The following PDE10A variants were observed in gnomAD, a reference collection of about 807,000 sequenced individuals.
PDE10A encodes the protein cAMP and cAMP-inhibited cGMP 3',5'-cyclic phosphodiesterase 10A.
In PDE10A, 39 loss-of-function variants were observed where a neutral mutation model predicts 97.7. The observed-to-expected ratio is 0.40, with a 90% CI of 0.31 to 0.52. The LOEUF is 0.52. Ranked by LOEUF, PDE10A falls within the 20% of genes least tolerant of loss-of-function variation. PDE10A has a pLI of 0.56. For missense variants in PDE10A, 731 were observed against 1,047.8 expected, an observed-to-expected ratio of 0.70 and a Z score of 4.17; for synonymous variants, 371 against 376.8, an observed-to-expected ratio of 0.98 and a Z score of 0.18.
chr6:165,702,993 T>C (rs1363381977), intron 1 of PDE10A, among the ~76,000 whole-genome samples: 1 of 152,188 alleles, frequency 6.6e-6, no homozygotes, highest in Admixed American at 6.5e-5. Flanking sequence ...CCCCTGTTCT[T>C]CCACTTGCCC....
chr6:165,668,169 A>G (rs1283739793), upstream of PDE10A, among the ~76,000 whole-genome samples: 5 of 152,238 alleles, frequency 3.3e-5, no homozygotes, highest in African/African-American at 1.2e-4. Flanking sequence ...AAAGACAGAA[A>G]ATACTTCTTT....
At chr6:165,961,020 G>C (rs538213454) in intron 1 of PDE10A, among the ~76,000 whole-genome samples, 3 of 152,106 alleles carry the variant, frequency 2.0e-5, no homozygotes. Context: ...ACCTGGGCTG[G>C]GTCAGGCCAT....
At position 165,542,612 on chromosome 6, in the gene PDE10A, C is replaced by CTTTTTTTTTTTTT. The variant is rs545149187; in HGVS notation, c.994+815_994+827dup. ...TTTAGGTCAAAAAGATGTCCTTGTT[C>CTTTTTTTTTTTTT]TTTTTTTTTTTTTTTTTTTTTTTTT... On this transcript the variant is annotated intron_variant, in intron 2 of 21. Transcript: ENST00000539869. Among the ~76,000 whole-genome samples, 97 of 76,454 alleles carry CTTTTTTTTTTTTT rather than the reference C, an allele frequency of 1.3e-3. 5 individuals are homozygous for CTTTTTTTTTTTTT. The highest frequency in any genetic ancestry group is 4.1e-3 in the African/African-American group (90 of 21,802). The allele number at this position is 76,454 out of a possible 152,430, so 50.2% of individuals were successfully genotyped here. A position where few individuals can be genotyped will look rare whatever the true frequency, so the allele number is the denominator to read the frequency against.
chr6:165,791,933 G>C (rs1221799597), intron 1 of PDE10A, among the ~76,000 whole-genome samples: 1 of 152,180 alleles, frequency 6.6e-6, no homozygotes, highest in Non-Finnish European at 1.5e-5. Context: ...AGTCAGCTCT[G>C]TGCAACACAC....
At chr6:165,417,171 G>A (rs1392986184) in intron 11 of PDE10A, among the ~76,000 whole-genome samples, 2 of 152,156 alleles carry the variant, frequency 1.3e-5, no homozygotes, top group Non-Finnish European at 2.9e-5. Flanking sequence ...ACACAAAAGA[G>A]AATCTACTTA....
intron 1 of PDE10A, among the ~76,000 whole-genome samples, chr6:165,681,044 T>C (rs1790961568): frequency 6.6e-6 from 1 of 152,342 alleles, no homozygotes; most frequent in African/African-American, 2.4e-5. Context: ...ACTTTGTAAA[T>C]TGCATATGAA....
chr6:165,443,111 C>CAAA (rs149435215), intron 5 of PDE10A, among the ~76,000 whole-genome samples: 69 of 60,172 alleles, frequency 1.1e-3, no homozygotes, highest in South Asian at 1.6e-3. Context: ...GGCTCTGTCT[C>CAAA]AAAAAAAAAA....
chr6:165,473,600 A>C (rs1170657943), intron 3 of PDE10A, among the ~76,000 whole-genome samples: 1 of 146,528 alleles, frequency 6.8e-6, no homozygotes, highest in African/African-American at 2.6e-5. Context: ...GATGGAGGCA[A>C]GGTTACAGCT....
intron 1 of PDE10A, among the ~76,000 whole-genome samples, chr6:165,779,923 TCC>T (rs1562733162): frequency 5.9e-5 from 9 of 152,140 alleles, no homozygotes; most frequent in African/African-American, 2.2e-4. Context: ...TTCAATTCAC[TCC>T]GCTGGGCCAC....
At chr6:165,649,624 G>A (rs1379732340) in intron 1 of PDE10A, among the ~76,000 whole-genome samples, 1 of 152,160 alleles carries the variant, frequency 6.6e-6, no homozygotes, top group Non-Finnish European at 1.5e-5. Flanking sequence ...TGCTGAGGAA[G>A]AGGTGCAGGG....
chr6:165,972,936 T>A (rs1270643454), intron 1 of PDE10A, among the ~76,000 whole-genome samples: 1 of 152,040 alleles, frequency 6.6e-6, no homozygotes, highest in Non-Finnish European at 1.5e-5. Context: ...CTCATTCTCC[T>A]CTCCCCTCCA....
chr6:165,804,712 C>T lies in PDE10A; in HGVS notation c.-615+182817G>A, dbSNP rs565689100. On this transcript the variant is annotated intron_variant, in intron 1 of 19. Coordinates refer to the PDE10A transcript ENST00000366882. ...AAGGGGAAGAGCAGAGGCACCGGCT[C>T]GGCTGCAGGTGGGAGGGTGTCCGGG... is the stretch of plus-strand genomic sequence containing the variant. 1.1e-4 allele frequency among the ~76,000 whole-genome samples: 17 copies of T among 151,692 alleles called. No individual in the cohort carries two copies. In the East Asian group the frequency reaches 3.0e-3, roughly 26 times the overall value.
At chr6:165,701,881 T>C (rs935188115) in intron 1 of PDE10A, among the ~76,000 whole-genome samples, 7 of 152,052 alleles carry the variant, frequency 4.6e-5, no homozygotes, top group African/African-American at 1.2e-4. Context: ...AGATGAGTCT[T>C]GATGAATGAT....
chr6:165,494,038 A>C (rs1461731822), intron 2 of PDE10A, among the ~76,000 whole-genome samples: 1 of 152,146 alleles, frequency 6.6e-6, no homozygotes, highest in East Asian at 1.9e-4. Flanking sequence ...AAAAGAAGAT[A>C]TACAAATGGC....
intron 1 of PDE10A, among the ~76,000 whole-genome samples, chr6:165,553,154 A>T (rs1583526583): frequency 6.6e-6 from 1 of 152,332 alleles, no homozygotes; most frequent in East Asian, 1.9e-4. Flanking sequence ...CATGAACATA[A>T]CAATTTATAT....
intron 1 of PDE10A, among the ~76,000 whole-genome samples, chr6:165,758,635 AGAG>A (rs1322845900): frequency 6.6e-6 from 1 of 151,456 alleles, no homozygotes; most frequent in Admixed American, 6.6e-5. Flanking sequence ...AGGAAGAAGA[AGAG>A]GAAGAAGGAA....
chr6:165,803,440 A>G (rs1779032908), intron 1 of PDE10A, among the ~76,000 whole-genome samples: 1 of 152,228 alleles, frequency 6.6e-6, no homozygotes, highest in Non-Finnish European at 1.5e-5. Context: ...CTTAAAATGC[A>G]TCCACAACTA....
At chr6:165,963,950 G>A (rs752205295) in intron 1 of PDE10A, among the ~76,000 whole-genome samples, 1 of 152,204 alleles carries the variant, frequency 6.6e-6, no homozygotes, top group African/African-American at 2.4e-5. Flanking sequence ...GCAAGAATCC[G>A]TCAGCTAAGG....
intron 1 of PDE10A, among the ~76,000 whole-genome samples, chr6:165,851,259 A>C (rs557733330): frequency 1.3e-5 from 2 of 152,354 alleles, no homozygotes; most frequent in South Asian, 4.1e-4. Flanking sequence ...CACAATATAG[A>C]GAAAAGCAAT....
Sources: gnomAD v4.1 joint callset for allele counts (sites outside exome capture counted in the v4.1 genomes callset) on GRCh38, gnomAD v4.1.1 for gene constraint, MANE v1.5 for transcripts, NCBI Gene and HGNC (gene_info 2026-07-23, HGNC 2026-07-21) for gene names.